Variants in DIPK1A observed in about 807,000 individuals in gnomAD.
DIPK1A encodes the protein family with sequence similarity 69 member A.
DIPK1A carries 27 observed loss-of-function variants against 40.8 expected under a neutral mutation model. The ratio of observed to expected loss-of-function variants is 0.66; its 90% CI spans 0.49 to 0.91. DIPK1A has a LOEUF of 0.91. Ranked by LOEUF, DIPK1A falls within the 40% of genes least tolerant of loss-of-function variation. DIPK1A has a pLI of 0.00. For synonymous variants in DIPK1A, 166 were observed against 171.3 expected (o/e 0.97, Z 0.24); for missense variants, 412 against 505.7 (o/e 0.81, Z 1.78).
chr1:92,899,440 T>G (rs951942849), intron 1 of DIPK1A, among the ~76,000 whole-genome samples: 2 of 152,238 alleles, frequency 1.3e-5, no homozygotes, highest in African/African-American at 4.8e-5. Flanking sequence ...TATGTGTCTT[T>G]ACAATTGAAG....
chr1:92,945,423 T>C (rs1218040954), intron 1 of DIPK1A, among the ~76,000 whole-genome samples: 1 of 152,118 alleles, frequency 6.6e-6, no homozygotes, highest in South Asian at 2.1e-4. Context: ...CTATTAATGT[T>C]GAAGTTTTGA....
intron 4 of DIPK1A, chr1:92,845,523 A>C (rs1174360187): frequency 1.5e-5 from 6 of 392,062 alleles, no homozygotes; most frequent in South Asian, 5.5e-5. Flanking sequence ...AAAAAAAAAA[A>C]AAAAAACCGT....
At chr1:92,918,271 T>A (rs1256840943) in intron 1 of DIPK1A, among the ~76,000 whole-genome samples, 1 of 152,076 alleles carries the variant, frequency 6.6e-6, no homozygotes, top group East Asian at 1.9e-4. Flanking sequence ...CACCTGAGCC[T>A]CCAGAGTAGC....
chr1:92,941,995 A>G (rs1571144597), intron 1 of DIPK1A, among the ~76,000 whole-genome samples: 1 of 152,164 alleles, frequency 6.6e-6, no homozygotes, highest in East Asian at 1.9e-4. Context: ...GTCTCAAAAA[A>G]AAAAAAAAGC....
At chr1:92,902,463 G>A (rs909591067) in intron 1 of DIPK1A, among the ~76,000 whole-genome samples, 1 of 152,148 alleles carries the variant, frequency 6.6e-6, no homozygotes, top group Non-Finnish European at 1.5e-5. Context: ...ACACAGTACC[G>A]GCTCCAAGAT....
At chr1:92,918,947 C>T (rs947532710) in intron 1 of DIPK1A, among the ~76,000 whole-genome samples, 6 of 152,284 alleles carry the variant, frequency 3.9e-5, no homozygotes, top group South Asian at 2.1e-4. Flanking sequence ...CGGCAGGAGG[C>T]GGAGCTCAGA....
At chr1:92,936,299 T>C (rs1414136433) in intron 1 of DIPK1A, among the ~76,000 whole-genome samples, 1 of 152,164 alleles carries the variant, frequency 6.6e-6, no homozygotes, top group Non-Finnish European at 1.5e-5. Context: ...AACCTAAGTA[T>C]AGTTTTTCTG....
chr1:92,837,761 T>C, downstream of DIPK1A: 1 of 759,122 alleles, frequency 1.3e-6, no homozygotes, highest in African/African-American at 1.7e-5. Context: ...CTTGTCAACA[T>C]TCTTTTAGTA....
intron 1 of DIPK1A, among the ~76,000 whole-genome samples, chr1:92,917,768 G>A (rs1177927490): frequency 6.6e-6 from 1 of 152,154 alleles, no homozygotes; most frequent in Non-Finnish European, 1.5e-5. Flanking sequence ...GGAACTAGTG[G>A]AGCAAGGAGA....
At chr1:92,948,512 G>A (rs1417181637) in intron 1 of DIPK1A, among the ~76,000 whole-genome samples, 1 of 150,482 alleles carries the variant, frequency 6.6e-6, no homozygotes, top group East Asian at 1.9e-4. Context: ...TCGAACTCTT[G>A]AGCTCAAGTG....
chr1:92,870,691 T>G (rs1354423771), intron 2 of DIPK1A, among the ~76,000 whole-genome samples: 1 of 152,226 alleles, frequency 6.6e-6, no homozygotes, highest in East Asian at 1.9e-4. Flanking sequence ...GAGCACTTAT[T>G]CCTTCAGCAC....
intron 1 of DIPK1A, among the ~76,000 whole-genome samples, chr1:92,934,321 A>G (rs1453446653): frequency 1.3e-5 from 2 of 152,254 alleles, no homozygotes; most frequent in Middle Eastern, 3.2e-3. Flanking sequence ...AATGAATTTA[A>G]AAAGTGGAGA....
chr1:92,911,774 G>C (rs924723666), intron 1 of DIPK1A, among the ~76,000 whole-genome samples: 3 of 151,956 alleles, frequency 2.0e-5, no homozygotes, highest in Admixed American at 1.3e-4. Flanking sequence ...GCCTAGGCGG[G>C]TAGATCACTT....
At chr1:92,877,553 T>C (rs1389702121) in intron 1 of DIPK1A, among the ~76,000 whole-genome samples, 2 of 152,180 alleles carry the variant, frequency 1.3e-5, no homozygotes, top group African/African-American at 4.8e-5. Flanking sequence ...CTGAATTCTA[T>C]TGGCCCTATT....
At chr1:92,839,912 C>G (rs982859979), downstream of DIPK1A, among the ~76,000 whole-genome samples, 3 of 151,498 alleles carry the variant, frequency 2.0e-5, no homozygotes, top group Non-Finnish European at 4.4e-5. Context: ...ACAATTATAG[C>G]TCATTGCAAC....
chr1:92,898,826 A>G (rs527654387), intron 1 of DIPK1A, among the ~76,000 whole-genome samples: 1 of 151,874 alleles, frequency 6.6e-6, no homozygotes, highest in African/African-American at 2.4e-5. Flanking sequence ...GCACTGGCAC[A>G]ATCATGGCTC....
At chr1:92,938,200 G>A (rs187767655) in intron 1 of DIPK1A, among the ~76,000 whole-genome samples, 26 of 152,062 alleles carry the variant, frequency 1.7e-4, no homozygotes, top group African/African-American at 6.0e-4. Context: ...CAGGCATGGT[G>A]GTGCACACCT....
intron 1 of DIPK1A, among the ~76,000 whole-genome samples, chr1:92,885,570 G>T (rs1016519486): frequency 2.0e-5 from 3 of 152,064 alleles, no homozygotes; most frequent in Non-Finnish European, 1.5e-5. Flanking sequence ...TGGCCAGGTT[G>T]GTCTCTAACT....
intron 1 of DIPK1A, among the ~76,000 whole-genome samples, chr1:92,883,957 A>G (rs1161704144): frequency 6.6e-6 from 1 of 152,176 alleles, no homozygotes; most frequent in African/African-American, 2.4e-5. Context: ...TTTCTTAGCC[A>G]TTCTAATTAA....
Sources: gnomAD v4.1 joint callset for allele counts (sites outside exome capture counted in the v4.1 genomes callset) on GRCh38, gnomAD v4.1.1 for gene constraint, MANE v1.5 for transcripts, NCBI Gene and HGNC (gene_info 2026-07-23, HGNC 2026-07-21) for gene names.